RYR2: variants seen among roughly 807,000 people sequenced by gnomAD.
RYR2 encodes the protein ryanodine receptor 2, also known as cardiac muscle ryanodine receptor-calcium release channel.
In RYR2, 227 loss-of-function variants were observed where a neutral mutation model predicts 601.1. The ratio of observed to expected loss-of-function variants is 0.38; its 90% CI spans 0.34 to 0.42. RYR2 has a LOEUF of 0.42. Ranked by LOEUF, RYR2 falls within the 10% of genes least tolerant of loss-of-function variation. The pLI is 1.00. For missense variants in RYR2, 4,646 were observed against 6,156.5 expected (o/e 0.75, Z 8.21); for synonymous variants, 2,223 against 2,175.1 (o/e 1.02, Z -0.61).
At chr1:237,769,311 C>T (rs997852660) in intron 84 of RYR2, among the ~76,000 whole-genome samples, 2 of 152,116 alleles carry the variant, frequency 1.3e-5, no homozygotes, top group African/African-American at 2.4e-5. Context: ...CTTTATTTGC[C>T]TAAAACATTC....
chr1:237,556,599 G>A lies in RYR2; in HGVS notation c.3214+5908G>A, dbSNP rs551984133. Among the ~76,000 whole-genome samples the A allele has an allele frequency of 6.6e-5, 10 of 151,504 alleles. No individual in the cohort carries two copies. The South Asian group carries it at 1.9e-3, about 28-fold the overall frequency. On this transcript the variant is annotated intron_variant, in intron 27 of 104. Coordinates refer to ENST00000366574, the MANE Select transcript of RYR2 (RefSeq NM_001035.3). ...GCTGGGATTACAGGCATGAGCCACT[G>A]CACCTGGCCACTCTATTTTATTTTA...
rs1008365212 is a variant in RYR2 at position 237,819,866 on chromosome 1, A to G, written c.14590+674A>G. ...AACAACAACAACAACAAAAACTTCT[A>G]AGCCCTGTGGTTGTTGAGATTTTTA... On this transcript the variant is annotated intron_variant, in intron 101 of 104. Coordinates refer to ENST00000366574, the MANE Select transcript of RYR2 (RefSeq NM_001035.3). This position sits in a 1 kb window ranked among gnomAD's most constrained non-coding sequence, Gnocchi z 4.0. Among the ~76,000 whole-genome samples the G allele has an allele frequency of 5.3e-5, 8 of 151,680 alleles. No homozygotes were observed. Among genetic ancestry groups the G allele is most frequent in the Non-Finnish European group, 1.2e-4 (8 of 67,934 alleles).
chr1:237,209,753 G>T (rs1416480977), intron 1 of RYR2, among the ~76,000 whole-genome samples: 1 of 152,092 alleles, frequency 6.6e-6, no homozygotes, highest in Non-Finnish European at 1.5e-5. Context: ...CTACTTGGGA[G>T]GCTGAGTTGG....
At chr1:237,185,477 C>A (rs1460528749) in intron 1 of RYR2, among the ~76,000 whole-genome samples, 1 of 152,120 alleles carries the variant, frequency 6.6e-6, no homozygotes, top group African/African-American at 2.4e-5. Flanking sequence ...TTGCCTCTCA[C>A]ATTCTCTATT....
At chr1:237,619,245 A>T (rs1678814824) in intron 38 of RYR2, among the ~76,000 whole-genome samples, 1 of 152,252 alleles carries the variant, frequency 6.6e-6, no homozygotes, top group South Asian at 2.1e-4. Context: ...AAATTATCTG[A>T]TGAAGTTTTG....
intron 1 of RYR2, among the ~76,000 whole-genome samples, chr1:237,122,926 G>T (rs113343467): frequency 0.015 from 2,246 of 152,154 alleles, 62 homozygotes; most frequent in African/African-American, 0.049. Flanking sequence ...GTATATAAGG[G>T]CTACAATAAA....
At chr1:237,517,218 C>T (rs1480006539) in intron 24 of RYR2, among the ~76,000 whole-genome samples, 1 of 152,172 alleles carries the variant, frequency 6.6e-6, no homozygotes, top group Non-Finnish European at 1.5e-5. Context: ...TCATTTCACC[C>T]TTAAAGGATC....
At chr1:237,366,357 C>A (rs1189160292) in intron 5 of RYR2, among the ~76,000 whole-genome samples, 4 of 152,188 alleles carry the variant, frequency 2.6e-5, no homozygotes. Flanking sequence ...CCAGGATTCT[C>A]ATGGATTGTT....
intron 1 of RYR2, among the ~76,000 whole-genome samples, chr1:237,199,962 A>T (rs375651905): frequency 2.0e-5 from 3 of 152,176 alleles, no homozygotes; most frequent in East Asian, 1.9e-4. Flanking sequence ...AGTTTTGTTT[A>T]TTATAATATT....
At position 237,792,366 on chromosome 1, in the gene RYR2, T is replaced by TGTGTGTGCGCGCGC. The variant is rs781440406; in HGVS notation, c.13782+50_13782+51insCGCGCGCGTGTGTG. 373 of 805,104 alleles carry TGTGTGTGCGCGCGC rather than the reference T, an allele frequency of 4.6e-4. 2 individuals are homozygous for TGTGTGTGCGCGCGC. The East Asian group carries it at 5.3e-3, about 11-fold the overall frequency. 49.9% of individuals were successfully genotyped at this position (805,104 alleles called of 1,614,324 possible). On this transcript the variant is annotated intron_variant, in intron 94 of 104. Transcript: ENST00000366574. ...CAAGGTACCTGTGTGTGTGTGTGTG[T>TGTGTGTGCGCGCGC]GTGTGTGTGTGTGTGCGTGTGTGTG...
At chr1:237,773,106 A>C (rs1463270356) in intron 86 of RYR2, among the ~76,000 whole-genome samples, 1 of 152,160 alleles carries the variant, frequency 6.6e-6, no homozygotes, top group Non-Finnish European at 1.5e-5. Context: ...CAATGTTATT[A>C]GTTTTGTTGG....
At chr1:237,355,236 G>A (rs1174598015) in intron 3 of RYR2, among the ~76,000 whole-genome samples, 1 of 152,084 alleles carries the variant, frequency 6.6e-6, no homozygotes, top group Non-Finnish European at 1.5e-5. Context: ...CTTTGAGATT[G>A]AGTATGTCTC....
chr1:237,506,731 G>C lies in RYR2; in HGVS notation c.2635G>C (p.Glu879Gln), dbSNP rs576214225. 2 of 1,612,858 alleles carry C rather than the reference G, an allele frequency of 1.2e-6. No homozygotes were observed. Among genetic ancestry groups the C allele is most frequent in the Admixed American group, 1.7e-5 (1 of 59,896 alleles). Residue 879 changes from glutamate to glutamine, a missense_variant, in exon 23 of 105, where the codon GAA becomes CAA. This residue lies in a region of RYR2 where 1,807 missense variants were observed against 2,088.1 expected (regional missense o/e 0.87). Transcript: ENST00000366574. ...TTAGATCGTGTTGCCTCCTCATCTAGAAAGAATAAGAGAAAAACTGGCAGA... is the reference window on the plus strand; with the variant it reads ...TTAGATCGTGTTGCCTCCTCATCTACAAAGAATAAGAGAAAAACTGGCAGA... Reference protein sequence around the residue: ...TSQIVLPPHLERIREKLAENI... With the variant: ...TSQIVLPPHLQRIREKLAENI...
chr1:237,182,069 C>A (rs1678821994), intron 1 of RYR2, among the ~76,000 whole-genome samples: 1 of 151,914 alleles, frequency 6.6e-6, no homozygotes, highest in Non-Finnish European at 1.5e-5. Context: ...GTATGTTATG[C>A]ATATGTAGAT....
At chr1:237,309,974 G>A (rs759868073) in intron 2 of RYR2, among the ~76,000 whole-genome samples, 10 of 152,278 alleles carry the variant, frequency 6.6e-5, no homozygotes, top group South Asian at 2.1e-4. Flanking sequence ...GCGCAGCTCT[G>A]GTTCCTGCCC....
At chr1:237,119,885 A>G (rs1050138225) in intron 1 of RYR2, among the ~76,000 whole-genome samples, 1 of 152,214 alleles carries the variant, frequency 6.6e-6, no homozygotes, top group Non-Finnish European at 1.5e-5. Flanking sequence ...TAGTTACAAC[A>G]TTCATGCAAT....
At chr1:237,248,944 T>C (rs1687183827) in intron 1 of RYR2, among the ~76,000 whole-genome samples, 1 of 152,068 alleles carries the variant, frequency 6.6e-6, no homozygotes, top group South Asian at 2.1e-4. Context: ...TTTGTAGTTT[T>C]AGTAGAGACG....
Position 237,441,336 on chromosome 1 carries a change from G to A in RYR2, c.1023G>A (p.Gly341=), listed in dbSNP as rs1439675877. 2 of 1,613,524 alleles carry A rather than the reference G, an allele frequency of 1.2e-6. No individual in the cohort carries two copies. Among genetic ancestry groups the A allele is most frequent in the Admixed American group, 3.3e-5 (2 of 59,998 alleles). Residue 341 remains glycine (G), a synonymous_variant, in exon 13 of 105, where the codon GGG becomes GGA. Transcript: ENST00000366574. The part of the protein sequence containing the change: ...FRSSKEKLDV[G]VRKEVDGMGT... ...CCCCTTAGGAAAAATTGGATGTAGG[G>A]GTGAGAAAAGAAGTAGATGGCATGG...
At chr1:237,538,639 G>T (rs1447276831) in intron 25 of RYR2, among the ~76,000 whole-genome samples, 1 of 151,330 alleles carries the variant, frequency 6.6e-6, no homozygotes, top group African/African-American at 2.4e-5. Flanking sequence ...GGGCGTGGTG[G>T]CACAACCTGT....
Sources: allele counts gnomAD v4.1 joint callset (sites outside exome capture counted in the v4.1 genomes callset), GRCh38; gene constraint gnomAD v4.1.1; regional missense constraint gnomAD v4.1.1; non-coding constraint Gnocchi (gnomAD v3.1); transcripts MANE v1.5; gene names NCBI Gene and HGNC (gene_info 2026-07-23, HGNC 2026-07-21).